The following RBFOX1 variants were observed in gnomAD, a reference collection of about 807,000 sequenced individuals.
The protein encoded by RBFOX1 is RNA binding fox-1 homolog 1.
In RBFOX1, 8 loss-of-function variants were observed where a neutral mutation model predicts 57.7. The ratio of observed to expected loss-of-function variants is 0.14; its 90% CI spans 0.08 to 0.25. RBFOX1 has a LOEUF of 0.25. RBFOX1 is among the 10% of genes least tolerant of loss of function. The probability of loss-of-function intolerance (pLI) is 1.00; values close to 1 mark genes in which losing one functional copy is unlikely to be tolerated. For missense variants in RBFOX1, 611 were observed against 548.5 expected (o/e 1.11, Z -1.14); for synonymous variants, 326 against 222.4 (o/e 1.47, Z -4.15).
intron 4 of RBFOX1, among the ~76,000 whole-genome samples, chr16:7,131,319 G>A (rs974837082): frequency 1.7e-4 from 24 of 142,956 alleles, no homozygotes; most frequent in African/African-American, 4.2e-4. Context: ...GCACTGCAGC[G>A]TGGGCATTGC....
intron 3 of RBFOX1, among the ~76,000 whole-genome samples, chr16:5,713,451 A>G (rs543124378): frequency 5.9e-5 from 9 of 152,208 alleles, no homozygotes; most frequent in African/African-American, 1.9e-4. Context: ...GAAGTAAAAT[A>G]TTTCCCTGTC....
chr16:7,583,855 A>G (rs1171379107), intron 6 of RBFOX1, among the ~76,000 whole-genome samples: 1 of 152,142 alleles, frequency 6.6e-6, no homozygotes, highest in Non-Finnish European at 1.5e-5. Flanking sequence ...AAAACAAAAT[A>G]TAGGTCCTCT....
At chr16:6,880,739 G>A (rs1276233034) in intron 3 of RBFOX1, among the ~76,000 whole-genome samples, 1 of 152,120 alleles carries the variant, frequency 6.6e-6, no homozygotes, top group South Asian at 2.1e-4. Context: ...ATTATTTTAT[G>A]ATTGTATTTG....
intron 3 of RBFOX1, among the ~76,000 whole-genome samples, chr16:6,715,826 T>C (rs1205880963): frequency 6.6e-6 from 1 of 152,238 alleles, no homozygotes; most frequent in Non-Finnish European, 1.5e-5. Context: ...ATTGTGTTTC[T>C]TGAGATCATG....
chr16:6,849,946 G>C (rs559533269), intron 3 of RBFOX1, among the ~76,000 whole-genome samples: 18 of 152,286 alleles, frequency 1.2e-4, no homozygotes, highest in African/African-American at 4.1e-4. Flanking sequence ...GGATTAGAAA[G>C]CTGGAGACTT....
rs906983564 is a variant in RBFOX1 at position 5,947,946 on chromosome 16, A to G, written c.351+80611A>G. 6.6e-6 allele frequency among the ~76,000 whole-genome samples: 1 copy of G among 152,236 alleles called. No individual in the cohort carries two copies. Among genetic ancestry groups the G allele is most frequent in the African/African-American group, 2.4e-5 (1 of 41,470 alleles). ...GTACAGAATTTTAATTTGCAAATGC[A>G]TCACCAGATTCTTGATTGAATTCCC... On this transcript the variant is annotated intron_variant, in intron 4 of 19. Transcript: ENST00000641259. The surrounding 1 kb of genome is among the most constrained non-coding windows in gnomAD (Gnocchi z 7.2).
At chr16:6,358,808 G>A (rs2087862812) in intron 2 of RBFOX1, among the ~76,000 whole-genome samples, 1 of 152,154 alleles carries the variant, frequency 6.6e-6, no homozygotes, top group African/African-American at 2.4e-5. Flanking sequence ...ATTTAGAGAA[G>A]AGTGGTTTAA....
intron 2 of RBFOX1, among the ~76,000 whole-genome samples, chr16:5,559,066 TTGCC>T (rs1369168538): frequency 6.7e-6 from 1 of 150,240 alleles, no homozygotes; most frequent in Non-Finnish European, 1.5e-5. Flanking sequence ...CTGGGGGGGT[TTGCC>T]TGAGGAAACC....
At chr16:7,055,047 C>G (rs1174652678) in intron 4 of RBFOX1, among the ~76,000 whole-genome samples, 2 of 152,070 alleles carry the variant, frequency 1.3e-5, no homozygotes, top group Non-Finnish European at 2.9e-5. Context: ...AAAACAGACA[C>G]TGTGAAGTGC....
chr16:7,389,700 C>G (rs1189717088), intron 4 of RBFOX1, among the ~76,000 whole-genome samples: 1 of 152,148 alleles, frequency 6.6e-6, no homozygotes, highest in Non-Finnish European at 1.5e-5. Flanking sequence ...ACAGTATGTA[C>G]AACAGCAGTC....
intron 1 of RBFOX1, among the ~76,000 whole-genome samples, chr16:6,135,611 A>T (rs1018248517): frequency 1.3e-5 from 2 of 152,026 alleles, no homozygotes; most frequent in Non-Finnish European, 2.9e-5. Flanking sequence ...GACTTAAATC[A>T]TTGCATTTAA....
chr16:5,904,665 G>A (rs2058400979), intron 4 of RBFOX1, among the ~76,000 whole-genome samples: 1 of 151,964 alleles, frequency 6.6e-6, no homozygotes, highest in South Asian at 2.1e-4. Flanking sequence ...GACTGCTTTT[G>A]AAGACAGCAT....
At chr16:7,454,806 C>A (rs909785405) in intron 4 of RBFOX1, among the ~76,000 whole-genome samples, 4 of 152,196 alleles carry the variant, frequency 2.6e-5, no homozygotes, top group African/African-American at 7.2e-5. Context: ...TTCCTCTTGA[C>A]CTTCTGGGTC....
Position 7,475,546 on chromosome 16 carries a change from C to G in RBFOX1, c.28-42601C>G, listed in dbSNP as rs138534870. 3.7e-3 allele frequency among the ~76,000 whole-genome samples: 559 copies of G among 152,212 alleles called. 3 individuals carry two copies. The highest frequency in any genetic ancestry group is 0.012 in the African/African-American group (515 of 41,540). On this transcript the variant is annotated intron_variant, in intron 4 of 15. Transcript: ENST00000550418. The stretch of plus-strand genomic sequence containing the variant: ...AGGCATGATAGTCTTGATCTCCTGA[C>G]CTCGTGATCACCCACCTTGGCCTCC...
intron 2 of RBFOX1, among the ~76,000 whole-genome samples, chr16:6,478,427 A>AT (rs1457956625): frequency 7.1e-4 from 9 of 12,716 alleles, no homozygotes; most frequent in African/African-American, 8.5e-4. Context: ...ATATATATAT[A>AT]TATTTTTTTT....
chr16:7,163,269 G>C (rs2078760228), intron 4 of RBFOX1, among the ~76,000 whole-genome samples: 2 of 152,168 alleles, frequency 1.3e-5, no homozygotes, highest in South Asian at 2.1e-4. Flanking sequence ...TTTGGACGAA[G>C]GGGCAGGGGG....
rs78552918 is a variant in RBFOX1 at position 6,427,367 on chromosome 16, G to C, written c.-64+110310G>C. Among the ~76,000 whole-genome samples, 20 of 152,272 alleles carry C rather than the reference G, an allele frequency of 1.3e-4. No homozygotes were observed. In the East Asian group the frequency reaches 3.9e-3, roughly 29 times the overall value. On this transcript the variant is annotated intron_variant, in intron 2 of 15. Transcript: ENST00000550418. The stretch of plus-strand genomic sequence containing the variant: ...CTCCAGACCCCAGTCTATAGGAAAC[G>C]GTTCCCACATTGTTGAAATATGGCT...
intron 4 of RBFOX1, among the ~76,000 whole-genome samples, chr16:7,453,297 C>A (rs905231153): frequency 6.6e-6 from 1 of 151,808 alleles, no homozygotes. Context: ...GTATGAAGAT[C>A]CTGTGGTAGG....
intron 2 of RBFOX1, among the ~76,000 whole-genome samples, chr16:6,537,059 G>T (rs950465611): frequency 6.6e-6 from 1 of 152,146 alleles, no homozygotes; most frequent in Admixed American, 6.6e-5. Flanking sequence ...GCTCCTCTCA[G>T]CTCTGGTATA....
Sources: allele counts gnomAD v4.1 joint callset (sites outside exome capture counted in the v4.1 genomes callset), GRCh38; gene constraint gnomAD v4.1.1; non-coding constraint Gnocchi (gnomAD v3.1); transcripts MANE v1.5; gene names NCBI Gene and HGNC (gene_info 2026-07-23, HGNC 2026-07-21).